Variants in ABCC11 observed in about 807,000 individuals in gnomAD.
The protein encoded by ABCC11 is ATP-binding cassette sub-family C member 11.
A neutral mutation model predicts 149.3 loss-of-function variants in ABCC11; 135 were observed. That is an observed-to-expected ratio of 0.90 (90% CI 0.79 to 1.04). The LOEUF is 1.04. ABCC11 is among the 50% of genes least tolerant of loss of function. The pLI is 0.00. For missense variants in ABCC11, 1,680 were observed against 1,722.1 expected, an observed-to-expected ratio of 0.98 and a Z score of 0.43; for synonymous variants, 665 against 671.4, an observed-to-expected ratio of 0.99 and a Z score of 0.15.
chr16:48,177,196 T>C (rs1966136902), intron 24 of ABCC11, 83 bp from the exon 25 acceptor site: 1 of 1,434,094 alleles, frequency 7.0e-7, no homozygotes, highest in Admixed American at 2.0e-5. Context: ...CCTCCCGCTG[T>C]AGGGGGTGTG....
In ABCC11 at chr16:48,211,167, A is replaced by G. The variant is rs772154539; in HGVS notation, c.1389T>C (p.Tyr463=). The change falls in exon 11 of 30, where the codon TAT becomes TAC. Residue 463 remains tyrosine, a synonymous_variant. Transcript: ENST00000356608. Reference sequence around the variant, plus strand: ...TGCTGGGGTCTTGTAATGTCTGGACATAGAAAACAGGGCTCTCCTGGAGGA... The same window carrying G: ...TGCTGGGGTCTTGTAATGTCTGGACGTAGAAAACAGGGCTCTCCTGGAGGA... ...KFFLQESPVF[Y]VQTLQDPSKA... 6.8e-6 allele frequency: 11 copies of G among 1,614,086 alleles called. No individual in the cohort carries two copies. Among genetic ancestry groups the G allele is most frequent in the South Asian group, 1.1e-5 (1 of 91,090 alleles).
chr16:48,179,712 A>G (rs1051125598), intron 23 of ABCC11, among the ~76,000 whole-genome samples: 1 of 152,212 alleles, frequency 6.6e-6, no homozygotes, highest in Non-Finnish European at 1.5e-5. Flanking sequence ...TGCCACTGGG[A>G]TGCACAGGAG....
intron 1 of ABCC11, chr16:48,235,132 C>T (rs867053002): frequency 2.0e-5 from 3 of 152,320 alleles, no homozygotes; most frequent in Middle Eastern, 3.4e-3. Flanking sequence ...TTTCTCTCAC[C>T]TTTCAGCTAT....
At position 48,230,333 on chromosome 16, in the gene ABCC11, T is replaced by C. The variant is rs1970346209; in HGVS notation, c.236+104A>G. The C allele has an allele frequency of 5.1e-6, 7 of 1,379,496 alleles. No homozygotes were observed. In the South Asian group the frequency reaches 6.7e-5, roughly 13 times the overall value. 85.5% of individuals were successfully genotyped at this position (1,379,496 alleles called of 1,614,324 possible). A position where few individuals can be genotyped will look rare whatever the true frequency, so the allele number is the denominator to read the frequency against. On this transcript the variant is annotated intron_variant, in intron 3 of 29. Coordinates refer to ENST00000356608, the MANE Select transcript of ABCC11 (RefSeq NM_001370497.1). The stretch of plus-strand genomic sequence containing the variant: ...GCTGCTCTGAAGGGATTTGGCTGTG[T>C]AGGGATGTAGTTATGCAACCTTCGT...
At chr16:48,194,652 G>T (rs1967226347) in intron 18 of ABCC11, among the ~76,000 whole-genome samples, 2 of 152,180 alleles carry the variant, frequency 1.3e-5, no homozygotes, top group Admixed American at 6.5e-5. Flanking sequence ...TTAAAAAAGA[G>T]GCTTCAGAGA....
At position 48,236,759 on chromosome 16, in the gene ABCC11, A is replaced by G. The variant is rs1970710008; in HGVS notation, c.-18-4820T>C. Among the ~76,000 whole-genome samples, 4 of 152,232 alleles carry G rather than the reference A, an allele frequency of 2.6e-5. No homozygotes were observed. The South Asian group carries it at 8.3e-4, about 31-fold the overall frequency. On this transcript the variant is annotated intron_variant, in intron 1 of 29. Coordinates refer to ENST00000356608, the MANE Select transcript of ABCC11 (RefSeq NM_001370497.1). ...CAGGATTGAAAGAGGGTTTTCATCA[A>G]GCAGGCAGGTTAAACTTGGGCCTAT... is the stretch of plus-strand genomic sequence containing the variant.
chr16:48,189,359 AT>A, intron 20 of ABCC11, among the ~76,000 whole-genome samples: 1 of 152,312 alleles, frequency 6.6e-6, no homozygotes, highest in East Asian at 1.9e-4. Flanking sequence ...CAAAGGGAAA[AT>A]GGTTTCAGTT....
rs1291386249 is a variant in ABCC11 at position 48,200,273 on chromosome 16, A to G, written c.2082+3T>C. 1 of 1,613,936 alleles carries G rather than the reference A, an allele frequency of 6.2e-7. No individual in the cohort carries two copies. The highest frequency in any genetic ancestry group is 8.5e-7 in the Non-Finnish European group (1 of 1,179,900). ...ACAGTCAGAGCCCTGGAAGGGTGCT[A>G]ACCTGCAGCTGGTGGGTCACCAGGA... On this transcript the variant is annotated splice_donor_region_variant and intron_variant, in intron 15 of 29. Coordinates refer to ENST00000356608, the MANE Select transcript of ABCC11 (RefSeq NM_001370497.1).
In ABCC11 at chr16:48,227,957, C is replaced by G; in HGVS notation, c.244G>C (p.Ala82Pro). The G allele has an allele frequency of 6.2e-7, 1 of 1,610,856 alleles. No homozygotes were observed. Residue 82 changes from alanine (A) to proline (P), a missense_variant, in exon 4 of 30, where the codon GCC becomes CCC. Physicochemically the swap from Ala to Pro is conservative, Grantham distance 27. Coordinates refer to ENST00000356608, the MANE Select transcript of ABCC11 (RefSeq NM_001370497.1). Reference sequence around the variant, plus strand: ...CCAGCATTGTCCAGGGGCTGGGGGGCAGGAAACCTAGTAGAGGGGCCACAA... The same window carrying G: ...CCAGCATTGTCCAGGGGCTGGGGGGGAGGAAACCTAGTAGAGGGGCCACAA... Reference protein sequence around the residue: ...IPFRPKPRFPAPQPLDNAGLF... With the variant: ...IPFRPKPRFPPPQPLDNAGLF...
chr16:48,213,000 G>T (rs1969049323), intron 10 of ABCC11, among the ~76,000 whole-genome samples: 2 of 152,226 alleles, frequency 1.3e-5, no homozygotes, highest in Admixed American at 1.3e-4. Flanking sequence ...GGCAGGTATT[G>T]CCTCAACTCC....
At chr16:48,217,305 A>G (rs1416498063) in intron 6 of ABCC11, among the ~76,000 whole-genome samples, 4 of 151,906 alleles carry the variant, frequency 2.6e-5, no homozygotes, top group African/African-American at 7.3e-5. Flanking sequence ...CCTCCCACAT[A>G]TACTGCCTGG....
Position 48,167,489 on chromosome 16 carries a change from C to T in ABCC11, c.4056+7G>A. On this transcript the variant is annotated splice_region_variant and intron_variant, in intron 29 of 29. Transcript: ENST00000356608. The stretch of plus-strand genomic sequence containing the variant: ...TCCTCCCACCAGCCCAAGGACGCAG[C>T]CTTCACCTTCCCATTGCCCATAACC... 6.2e-7 allele frequency: 1 copy of T among 1,613,964 alleles called. No individual in the cohort carries two copies. Among genetic ancestry groups the T allele is most frequent in the Non-Finnish European group, 8.5e-7 (1 of 1,179,906 alleles).
rs1025347641 is a variant in ABCC11, at chr16:48,166,510, CTT to C, written c.*762_*763del. Among the ~76,000 whole-genome samples the C allele has an allele frequency of 6.6e-6, 1 of 150,538 alleles. No homozygotes were observed. Among genetic ancestry groups the C allele is most frequent in the East Asian group, 1.9e-4 (1 of 5,174 alleles). On this transcript the variant is annotated 3_prime_UTR_variant, in exon 30 of 30. Transcript: ENST00000356608. ...CTTTCTGTTACAAGACCAACAAACT[CTT>C]TTTTTTTTCCAAAGTTAGTTTGAGG...
intron 1 of ABCC11, among the ~76,000 whole-genome samples, chr16:48,232,506 G>C (rs1970479532): frequency 6.6e-6 from 1 of 152,070 alleles, no homozygotes; most frequent in Non-Finnish European, 1.5e-5. Flanking sequence ...GACCCCAGAA[G>C]GAATCTGGGG....
chr16:48,187,076 G>A lies in ABCC11; in HGVS notation c.2948C>T (p.Ala983Val). Residue 983 changes from alanine (A) to valine (V), a missense_variant, in exon 22 of 30, where the codon GCC (alanine) becomes GTC (valine). Ala to Val is a moderately conservative substitution (Grantham distance 64). Transcript: ENST00000356608. The part of the protein sequence containing the change: ...CFIYYMMFKK[A>V]IGVFKRLENY... ...CTCCAGTCTCTTGAACACACCGATG[G>A]CCTTCTTGAACATCCTGCATGGACA... The A allele has an allele frequency of 6.2e-7, 1 of 1,614,158 alleles. No individual in the cohort carries two copies. The highest frequency in any genetic ancestry group is 8.5e-7 in the Non-Finnish European group (1 of 1,180,024).
chr16:48,235,632 C>T (rs1970650222), intron 1 of ABCC11, among the ~76,000 whole-genome samples: 1 of 152,206 alleles, frequency 6.6e-6, no homozygotes, highest in South Asian at 2.1e-4. Context: ...CAGAACCTTC[C>T]TTGGCAGTCC....
At chr16:48,218,230 A>C (rs1969483596) in intron 6 of ABCC11, among the ~76,000 whole-genome samples, 1 of 152,038 alleles carries the variant, frequency 6.6e-6, no homozygotes, top group Non-Finnish European at 1.5e-5. Flanking sequence ...CAGGAGGTCC[A>C]GACTGCAGTG....
At chr16:48,214,372 T>G (rs1052424340) in intron 9 of ABCC11, among the ~76,000 whole-genome samples, 14 of 152,086 alleles carry the variant, frequency 9.2e-5, no homozygotes, top group African/African-American at 3.4e-4. Flanking sequence ...GCTTCCCTTC[T>G]TGCTCTGGGT....
chr16:48,215,567 T>C (rs549342037), intron 7 of ABCC11, among the ~76,000 whole-genome samples: 126 of 152,316 alleles, frequency 8.3e-4, no homozygotes, highest in Non-Finnish European at 1.6e-3. Flanking sequence ...TAAACCGAAA[T>C]GGTTCCTCTG....
Sources: gnomAD v4.1 joint callset for allele counts (sites outside exome capture counted in the v4.1 genomes callset) on GRCh38, gnomAD v4.1.1 for gene constraint, MANE v1.5 for transcripts, NCBI Gene and HGNC (gene_info 2026-07-23, HGNC 2026-07-21) for gene names.